Variants in NLGN1 observed in about 807,000 individuals in gnomAD.
NLGN1 encodes neuroligin 1, also known as neuroligin-1.
NLGN1 carries 12 observed loss-of-function variants against 65.5 expected under a neutral mutation model. The observed-to-expected ratio is 0.18, with a 90% confidence interval of 0.12 to 0.30. The LOEUF is 0.30. NLGN1 is among the 10% of genes least tolerant of loss of function. NLGN1 has a pLI of 1.00. For missense variants in NLGN1, 750 were observed against 1,007.1 expected (o/e 0.74, Z 3.46); for synonymous variants, 350 against 359.5 (o/e 0.97, Z 0.30).
At chr3:174,283,674 A>G (rs1198710737) in exon 7 of NLGN1, 2 of 151,566 alleles carry the variant, frequency 1.3e-5, no homozygotes, top group African/African-American at 4.8e-5. Context: ...CCCAATTATT[A>G]TCTATCAAAG....
chr3:174,182,688 G>A (rs1236914827), intron 4 of NLGN1, among the ~76,000 whole-genome samples: 1 of 152,048 alleles, frequency 6.6e-6, no homozygotes, highest in African/African-American at 2.4e-5. Context: ...TCTAAGTGCA[G>A]GCAGACTTCA....
At chr3:173,411,442 C>T (rs979090643) in intron 1 of NLGN1, among the ~76,000 whole-genome samples, 5 of 152,134 alleles carry the variant, frequency 3.3e-5, no homozygotes, top group African/African-American at 1.2e-4. Flanking sequence ...TATGATCCCA[C>T]TTTTGCTCTA....
At chr3:174,064,065 C>A (rs940855626) in intron 4 of NLGN1, among the ~76,000 whole-genome samples, 2 of 151,928 alleles carry the variant, frequency 1.3e-5, no homozygotes, top group Non-Finnish European at 2.9e-5. Flanking sequence ...CCGTTTGAAC[C>A]CGGGAGGCAG....
At chr3:174,132,594 A>C (rs1348126314) in intron 4 of NLGN1, among the ~76,000 whole-genome samples, 1 of 152,180 alleles carries the variant, frequency 6.6e-6, no homozygotes, top group Non-Finnish European at 1.5e-5. Context: ...ATAAACATTT[A>C]CTAAGCACTT....
intron 3 of NLGN1, among the ~76,000 whole-genome samples, chr3:173,665,120 C>T (rs1017046056): frequency 6.6e-6 from 1 of 152,078 alleles, no homozygotes; most frequent in African/African-American, 2.4e-5. Context: ...GTGTCCCCAA[C>T]CAAAATCTCA....
intron 2 of NLGN1, among the ~76,000 whole-genome samples, chr3:173,515,875 C>T (rs1207272363): frequency 6.6e-6 from 1 of 151,914 alleles, no homozygotes; most frequent in African/African-American, 2.4e-5. Context: ...GGGTTTATTT[C>T]TGGACTCACT....
rs547466690 is a variant in NLGN1, at chr3:173,593,248, G to T, written c.-320-11031G>T. On this transcript the variant is annotated intron_variant, in intron 2 of 6. Transcript: ENST00000457714. ...TTAAAACAATTATTTTTGATTCAAGGGTACATGTGCAGATTTGTTATATAG... is the reference window on the plus strand; with the variant it reads ...TTAAAACAATTATTTTTGATTCAAGTGTACATGTGCAGATTTGTTATATAG... 3.7e-4 allele frequency among the ~76,000 whole-genome samples: 56 copies of T among 152,102 alleles called. No homozygotes were observed. In the South Asian group the frequency reaches 0.011, roughly 29 times the overall value.
intron 3 of NLGN1, among the ~76,000 whole-genome samples, chr3:173,787,085 A>T (rs979386010): frequency 6.6e-6 from 1 of 152,140 alleles, no homozygotes; most frequent in Non-Finnish European, 1.5e-5. Context: ...CTCAAAAAAA[A>T]AAAAAAGAAG....
At chr3:174,006,443 C>T (rs1175577412) in intron 4 of NLGN1, among the ~76,000 whole-genome samples, 1 of 152,168 alleles carries the variant, frequency 6.6e-6, no homozygotes. Context: ...AACCGGGTCA[C>T]CTGCTGTGTG....
At chr3:173,595,256 G>A (rs187213867) in intron 2 of NLGN1, among the ~76,000 whole-genome samples, 4 of 152,098 alleles carry the variant, frequency 2.6e-5, no homozygotes, top group Non-Finnish European at 5.9e-5. Flanking sequence ...GTCACCTCTT[G>A]AATGCTTTGC....
At chr3:173,870,605 T>A (rs1730993918) in intron 4 of NLGN1, among the ~76,000 whole-genome samples, 1 of 152,202 alleles carries the variant, frequency 6.6e-6, no homozygotes, top group South Asian at 2.1e-4. Flanking sequence ...TAAGAATGTA[T>A]CAATAGAATG....
At chr3:173,882,367 T>G (rs1404768765) in intron 4 of NLGN1, among the ~76,000 whole-genome samples, 1 of 152,196 alleles carries the variant, frequency 6.6e-6, no homozygotes, top group East Asian at 1.9e-4. Context: ...GCTTTGAAAC[T>G]GGTCATTGAC....
chr3:173,500,721 A>C (rs1343918855), intron 2 of NLGN1, among the ~76,000 whole-genome samples: 1 of 151,798 alleles, frequency 6.6e-6, no homozygotes, highest in Non-Finnish European at 1.5e-5. Context: ...TTATTGCATC[A>C]ATTTCAGTGC....
At chr3:174,127,922 G>T in intron 4 of NLGN1, among the ~76,000 whole-genome samples, 1 of 152,194 alleles carries the variant, frequency 6.6e-6, no homozygotes, top group Admixed American at 6.5e-5. Context: ...GGTGGTGGGG[G>T]CTATGATAAA....
intron 4 of NLGN1, among the ~76,000 whole-genome samples, chr3:173,912,214 A>G (rs1739762591): frequency 6.6e-6 from 1 of 152,078 alleles, no homozygotes; most frequent in African/African-American, 2.4e-5. Flanking sequence ...TTTCACTGTT[A>G]TTTTCATTGA....
At position 174,076,716 on chromosome 3, in the gene NLGN1, AGAGAGAGAGTGTGTGT is replaced by A. The variant is rs1483667236; in HGVS notation, c.647-198597_647-198582del. 3.9e-3 allele frequency among the ~76,000 whole-genome samples: 504 copies of A among 130,232 alleles called. 5 individuals carry two copies. Among genetic ancestry groups the A allele is most frequent in the East Asian group, 0.025 (118 of 4,812 alleles). The allele number at this position is 130,232 out of a possible 152,430, so 85.4% of individuals were successfully genotyped here. Reference sequence around the variant, plus strand: ...GAGAGAGAGAGAGAGAGAGAGAGAGAGAGAGAGAGTGTGTGTGTGTGTGTGTGTGTGTGTGTGTGTG... The same window carrying A: ...GAGAGAGAGAGAGAGAGAGAGAGAGAGTGTGTGTGTGTGTGTGTGTGTGTG... On this transcript the variant is annotated intron_variant, in intron 4 of 6. Coordinates refer to ENST00000457714, the Ensembl canonical transcript of NLGN1.
chr3:173,764,600 G>T (rs757009058), intron 3 of NLGN1, among the ~76,000 whole-genome samples: 1 of 152,122 alleles, frequency 6.6e-6, no homozygotes, highest in Non-Finnish European at 1.5e-5. Flanking sequence ...AACAGATTGG[G>T]CTACCACAAA....
chr3:174,119,218 G>A (rs1188783956), intron 4 of NLGN1, among the ~76,000 whole-genome samples: 1 of 152,064 alleles, frequency 6.6e-6, no homozygotes, highest in East Asian at 1.9e-4. Flanking sequence ...GCTACCATTA[G>A]AGTTTTGTAT....
intron 2 of NLGN1, among the ~76,000 whole-genome samples, chr3:173,539,692 A>ATATGCACATATATACACATATGTG (rs1560406608): frequency 7.4e-6 from 1 of 135,018 alleles, no homozygotes; most frequent in African/African-American, 3.0e-5. Context: ...ACATATATGT[A>ATATGCACATATATACACATATGTG]CATATGCACA....
Sources: gnomAD v4.1 joint callset for allele counts (sites outside exome capture counted in the v4.1 genomes callset) on GRCh38, gnomAD v4.1.1 for gene constraint, MANE v1.5 for transcripts, NCBI Gene and HGNC (gene_info 2026-07-23, HGNC 2026-07-21) for gene names.